RTN1: variants seen among roughly 807,000 people sequenced by gnomAD.
The protein encoded by RTN1 is reticulon-1.
RTN1 carries 25 observed loss-of-function variants against 65.5 expected under a neutral mutation model. That is an observed-to-expected ratio of 0.38 (90% CI 0.28 to 0.53). The LOEUF (loss-of-function observed/expected upper bound fraction) is 0.53, where lower values mean the gene tolerates loss of function less well. Ranked by LOEUF, RTN1 falls within the 20% of genes least tolerant of loss-of-function variation. The probability of loss-of-function intolerance (pLI) is 0.79; values close to 1 mark genes in which losing one functional copy is unlikely to be tolerated. For synonymous variants in RTN1, 471 were observed against 447.6 expected (o/e 1.05, Z -0.66); for missense variants, 983 against 1,025.4 (o/e 0.96, Z 0.57).
intron 1 of RTN1, among the ~76,000 whole-genome samples, chr14:59,821,637 G>A (rs1034233811): frequency 9.9e-5 from 15 of 152,278 alleles, no homozygotes; most frequent in African/African-American, 3.4e-4. Flanking sequence ...TCAGTATGAT[G>A]TTGACTGTAG....
chr14:59,851,772 G>A (rs1282707907), intron 1 of RTN1, among the ~76,000 whole-genome samples: 6 of 150,980 alleles, frequency 4.0e-5, no homozygotes, highest in South Asian at 2.1e-4. Flanking sequence ...CAAGGGAATC[G>A]CTTGAACCTG....
chr14:59,808,786 G>A (rs1357769148), intron 1 of RTN1, among the ~76,000 whole-genome samples: 1 of 152,038 alleles, frequency 6.6e-6, no homozygotes, highest in Non-Finnish European at 1.5e-5. Flanking sequence ...CATGCAACCT[G>A]GTCATTTAAA....
intron 3 of RTN1, among the ~76,000 whole-genome samples, chr14:59,723,882 T>C (rs1042063216): frequency 2.0e-5 from 3 of 152,226 alleles, no homozygotes; most frequent in East Asian, 3.9e-4. Context: ...TCCCAACAGG[T>C]GTCCCCCTGG....
chr14:59,792,060 G>A (rs997439463), intron 1 of RTN1, among the ~76,000 whole-genome samples: 2 of 152,124 alleles, frequency 1.3e-5, no homozygotes, highest in African/African-American at 4.8e-5. Context: ...GAGTCATGGA[G>A]GTTCCTGGAG....
intron 3 of RTN1, among the ~76,000 whole-genome samples, chr14:59,653,566 T>C (rs1883061683): frequency 6.6e-6 from 1 of 151,874 alleles, no homozygotes; most frequent in Non-Finnish European, 1.5e-5. Flanking sequence ...TATGTAAAAA[T>C]ATATATAAAG....
chr14:59,828,132 T>A (rs1184553899), intron 1 of RTN1, among the ~76,000 whole-genome samples: 1 of 152,250 alleles, frequency 6.6e-6, no homozygotes, highest in Non-Finnish European at 1.5e-5. Flanking sequence ...TAATTCAGAA[T>A]CATTTCTCCT....
rs200434592 is a variant in RTN1 at position 59,728,249 on chromosome 14, C to CTTTTTTTTTTTTTTTTTTTT, written c.1016-601_1016-582dup. 2.4e-5 allele frequency among the ~76,000 whole-genome samples: 3 copies of CTTTTTTTTTTTTTTTTTTTT among 124,162 alleles called. 1 individual carries two copies. Among genetic ancestry groups the CTTTTTTTTTTTTTTTTTTTT allele is most frequent in the African/African-American group, 8.9e-5 (3 of 33,578 alleles). 81.5% of individuals were successfully genotyped at this position (124,162 alleles called of 152,430 possible). ...TTATATTTCCAATAAGAATCAGTAT[C>CTTTTTTTTTTTTTTTTTTTT]TTTTTTTTTTTTTTTTTTTTTTTTT... On this transcript the variant is annotated intron_variant, in intron 2 of 8. Coordinates refer to ENST00000267484, the MANE Select transcript of RTN1 (RefSeq NM_021136.3).
intron 1 of RTN1, among the ~76,000 whole-genome samples, chr14:59,855,726 T>C (rs1394235013): frequency 1.3e-5 from 2 of 152,230 alleles, no homozygotes; most frequent in Non-Finnish European, 2.9e-5. Flanking sequence ...GTCTCATCAC[T>C]GAGCAGTGAT....
At chr14:59,791,057 C>CT (rs1407220337) in intron 1 of RTN1, among the ~76,000 whole-genome samples, 1 of 151,728 alleles carries the variant, frequency 6.6e-6, no homozygotes, top group Admixed American at 6.6e-5. Context: ...CTTTATTTTC[C>CT]TTTTCTCATG....
At chr14:59,805,289 C>T (rs1309158335) in intron 1 of RTN1, among the ~76,000 whole-genome samples, 1 of 152,208 alleles carries the variant, frequency 6.6e-6, no homozygotes, top group Non-Finnish European at 1.5e-5. Context: ...TCCATCCCCA[C>T]CAGAATGTGA....
chr14:59,693,070 T>C lies in RTN1; in HGVS notation c.1765+33849A>G, dbSNP rs76975189. On this transcript the variant is annotated intron_variant, in intron 3 of 8. Transcript: ENST00000267484. Reference sequence around the variant, plus strand: ...GTCATGAAAATGGAGGTCACATGAATGGGCTTAGTCCCCTTATAAAAGACA... The same window carrying C: ...GTCATGAAAATGGAGGTCACATGAACGGGCTTAGTCCCCTTATAAAAGACA... Among the ~76,000 whole-genome samples the C allele has an allele frequency of 5.8e-3, 880 of 152,266 alleles. 9 individuals are homozygous for C. Among genetic ancestry groups the C allele is most frequent in the African/African-American group, 0.018 (752 of 41,560 alleles).
chr14:59,668,123 C>CA (rs1422965230), intron 3 of RTN1, among the ~76,000 whole-genome samples: 1 of 151,928 alleles, frequency 6.6e-6, no homozygotes, highest in Non-Finnish European at 1.5e-5. Context: ...CATATGGAAC[C>CA]AAAAAAGGGC....
chr14:59,784,644 G>A (rs1366264027), intron 1 of RTN1, among the ~76,000 whole-genome samples: 2 of 152,104 alleles, frequency 1.3e-5, no homozygotes, highest in Non-Finnish European at 2.9e-5. Context: ...CCTTTTGGGA[G>A]GGAAATTCAG....
intron 1 of RTN1, among the ~76,000 whole-genome samples, chr14:59,801,223 C>A (rs906132793): frequency 6.6e-6 from 1 of 151,976 alleles, no homozygotes. Flanking sequence ...TTAATCAAGA[C>A]AAAAAATCAC....
intron 3 of RTN1, among the ~76,000 whole-genome samples, chr14:59,724,641 G>A (rs1884719460): frequency 6.6e-6 from 1 of 151,858 alleles, no homozygotes; most frequent in African/African-American, 2.4e-5. Context: ...AAGGCAGGCG[G>A]ATCGCCTAAG....
In RTN1 at chr14:59,653,922, T is replaced by C. The variant is rs561271542; in HGVS notation, c.1766-46430A>G. On this transcript the variant is annotated intron_variant, in intron 3 of 8. Transcript: ENST00000267484. ...ATTTATTTATTTATTTATTTAGAGA[T>C]GAATCTCGCTCTGTCACCCAGGCTG... Among the ~76,000 whole-genome samples, 376 of 151,566 alleles carry C rather than the reference T, an allele frequency of 2.5e-3. 1 individual carries two copies. The highest frequency in any genetic ancestry group is 9.0e-3 in the African/African-American group (368 of 40,968).
intron 3 of RTN1, among the ~76,000 whole-genome samples, chr14:59,698,610 C>G (rs991291239): frequency 1.3e-5 from 2 of 152,138 alleles, no homozygotes; most frequent in South Asian, 4.2e-4. Flanking sequence ...CTCTCTTTGC[C>G]TGCTGCCATC....
chr14:59,844,450 T>C (rs572754710), intron 1 of RTN1, among the ~76,000 whole-genome samples: 3 of 152,348 alleles, frequency 2.0e-5, no homozygotes, highest in African/African-American at 7.2e-5. Flanking sequence ...GTTAGCTACA[T>C]GTAAGCCAAC....
intron 1 of RTN1, among the ~76,000 whole-genome samples, chr14:59,822,269 T>C (rs1288270658): frequency 6.6e-6 from 1 of 152,204 alleles, no homozygotes; most frequent in Admixed American, 6.5e-5. Flanking sequence ...ATTTATCCAT[T>C]TCTTCTAGGT....
Sources: gnomAD v4.1 joint callset for allele counts (sites outside exome capture counted in the v4.1 genomes callset) on GRCh38, gnomAD v4.1.1 for gene constraint, MANE v1.5 for transcripts, NCBI Gene and HGNC (gene_info 2026-07-23, HGNC 2026-07-21) for gene names.